HERC3: variants seen among roughly 807,000 people sequenced by gnomAD.
The protein encoded by HERC3 is probable E3 ubiquitin-protein ligase HERC3.
A neutral mutation model predicts 129.9 loss-of-function variants in HERC3; 58 were observed. The observed-to-expected ratio is 0.45, with a 90% CI of 0.36 to 0.56. The LOEUF (loss-of-function observed/expected upper bound fraction) is 0.56, where lower values mean the gene tolerates loss of function less well. Among genes scored for constraint, HERC3 ranks in the 20% least tolerant of loss-of-function variants. HERC3 has a pLI of 0.00. For missense variants in HERC3, 835 were observed against 1,244.2 expected, an observed-to-expected ratio of 0.67 and a Z score of 4.95; for synonymous variants, 430 against 451.0, an observed-to-expected ratio of 0.95 and a Z score of 0.59.
intron 3 of HERC3, among the ~76,000 whole-genome samples, chr4:88,619,098 C>G (rs982890884): frequency 1.3e-5 from 2 of 152,212 alleles, no homozygotes; most frequent in Admixed American, 1.3e-4. Context: ...TTTGTTTGCT[C>G]TGTGTTCCTT....
chr4:88,534,579 T>C, the HERC3 span, among the ~76,000 whole-genome samples: 2 of 152,142 alleles, frequency 1.3e-5, no homozygotes, highest in Non-Finnish European at 1.5e-5. Flanking sequence ...AGGCTTTTTT[T>C]CCCCAAACGT....
intron 1 of HERC3, among the ~76,000 whole-genome samples, chr4:88,594,098 A>G (rs955466836): frequency 3.3e-5 from 5 of 152,236 alleles, no homozygotes; most frequent in Non-Finnish European, 7.3e-5. Context: ...AAATTAGCAC[A>G]TTAGCACTAG....
intron 3 of HERC3, among the ~76,000 whole-genome samples, chr4:88,626,020 T>C (rs1726060114): frequency 6.6e-6 from 1 of 152,192 alleles, no homozygotes; most frequent in Non-Finnish European, 1.5e-5. Context: ...TATATATTAC[T>C]GTTTTTGATT....
chr4:88,571,391 T>C, the HERC3 span, among the ~76,000 whole-genome samples: 36,231 of 152,180 alleles, frequency 0.24, 8,526 homozygotes, highest in African/African-American at 0.61. Context: ...AGGGCAATGG[T>C]AACCTTTTTA....
chr4:88,611,166 G>T (rs1314128064), intron 3 of HERC3, among the ~76,000 whole-genome samples: 1 of 152,230 alleles, frequency 6.6e-6, no homozygotes, highest in Non-Finnish European at 1.5e-5. Context: ...CTCCATAGCA[G>T]CTTGGAATAA....
At chr4:88,698,853 C>A (rs1344081856) in intron 23 of HERC3, among the ~76,000 whole-genome samples, 1 of 147,248 alleles carries the variant, frequency 6.8e-6, no homozygotes, top group African/African-American at 2.5e-5. Context: ...CCCCCCGCCG[C>A]ACTGTCCTTT....
chr4:88,649,748 AT>A, intron 3 of HERC3, 91 bp from the exon 4 acceptor site: 1 of 1,089,930 alleles, frequency 9.2e-7, no homozygotes. Flanking sequence ...TTGTTAAAAA[AT>A]AAAACTGCCC....
intron 16 of HERC3, 105 bp downstream of exon 16, chr4:88,670,357 T>C: frequency 1.4e-6 from 1 of 739,122 alleles, no homozygotes; most frequent in South Asian, 1.8e-5. Context: ...TGTCACCTAT[T>C]CTTCATCCAG....
chr4:88,654,075 G>A lies in HERC3; in HGVS notation c.719G>A (p.Arg240His), dbSNP rs1729580229. 3 of 1,612,798 alleles carry A rather than the reference G, an allele frequency of 1.9e-6. No homozygotes were observed. The highest frequency in any genetic ancestry group is 1.3e-5 in the African/African-American group (1 of 74,932). The change falls in exon 7 of 26, where the codon CGC becomes CAC. Residue 240 changes from arginine (R) to histidine (H), a missense_variant. Arg to His is a conservative substitution (Grantham distance 29, BLOSUM62 0). Transcript: ENST00000402738. ...TCTCCATGCCATGTAAAACTCTTAC[G>A]CACGCAAAAAGTTGTCTATATTAGT... is the stretch of plus-strand genomic sequence containing the variant. ...RESPCHVKLLRTQKVVYISCG... is the reference protein window; with the variant it reads ...RESPCHVKLLHTQKVVYISCG...
chr4:88,627,668 C>T (rs978197242), intron 3 of HERC3, among the ~76,000 whole-genome samples: 8 of 151,876 alleles, frequency 5.3e-5, no homozygotes, highest in African/African-American at 1.9e-4. Context: ...TTTGGGAGGC[C>T]GAGGTGGGCA....
the HERC3 span, among the ~76,000 whole-genome samples, chr4:88,539,541 C>G: frequency 6.6e-6 from 1 of 152,210 alleles, no homozygotes; most frequent in African/African-American, 2.4e-5. Flanking sequence ...CTTAAACGTC[C>G]CTGTCTGACA....
chr4:88,681,533 G>C (rs890630495), intron 21 of HERC3, among the ~76,000 whole-genome samples: 34 of 152,288 alleles, frequency 2.2e-4, no homozygotes, highest in Non-Finnish European at 3.8e-4. Flanking sequence ...GTATCCGAGG[G>C]GTATTAGTTC....
At position 88,649,916 on chromosome 4, in the gene HERC3, C is replaced by A. The variant is rs750445002; in HGVS notation, c.303C>A (p.Asp101Glu). ...AGTCCCACAGTCTGGCCCTCAGTGA[C>A]CGAGGCCAGCTGTTTTCTTGGGGTG... is the stretch of plus-strand genomic sequence containing the variant. ...CGESHSLALSDRGQLFSWGAG... is the reference protein window; with the variant it reads ...CGESHSLALSERGQLFSWGAG... Residue 101 changes from aspartate to glutamate, a missense_variant, in exon 4 of 26, where the codon GAC becomes GAA. Physicochemically the swap from Asp to Glu is conservative, Grantham distance 45. Coordinates refer to ENST00000402738, the MANE Select transcript of HERC3 (RefSeq NM_014606.3). 2 of 1,613,916 alleles carry A rather than the reference C, an allele frequency of 1.2e-6. No homozygotes were observed. Among genetic ancestry groups the A allele is most frequent in the Admixed American group, 3.3e-5 (2 of 59,976 alleles).
Position 88,666,347 on chromosome 4 carries a change from GT to G in HERC3, c.1332-1025del, listed in dbSNP as rs1185210104. On this transcript the variant is annotated intron_variant, in intron 12 of 25. Transcript: ENST00000402738. ...TAAATACGTATAGATAAAACATTTT[GT>G]TTTTGTTTTCTCAACAGCATAGCAA... 2.6e-5 allele frequency among the ~76,000 whole-genome samples: 4 copies of G among 152,044 alleles called. No individual in the cohort carries two copies. The South Asian group carries it at 6.2e-4, about 24-fold the overall frequency.
intron 4 of HERC3, among the ~76,000 whole-genome samples, chr4:88,650,410 A>C (rs770167646): frequency 6.6e-6 from 1 of 152,260 alleles, no homozygotes; most frequent in Non-Finnish European, 1.5e-5. Flanking sequence ...CACTTTAAGC[A>C]TTACAAACAG....
chr4:88,550,982 A>C, the HERC3 span, among the ~76,000 whole-genome samples: 845 of 148,712 alleles, frequency 5.7e-3, 25 homozygotes, highest in Admixed American at 0.05. Context: ...ATAATGCCGC[A>C]TATCTACAAC....
intron 16 of HERC3, among the ~76,000 whole-genome samples, chr4:88,671,857 T>C (rs932753507): frequency 6.6e-6 from 1 of 152,008 alleles, no homozygotes; most frequent in African/African-American, 2.4e-5. Flanking sequence ...TGAGTTAGAG[T>C]GTTCTAAATG....
intron 14 of HERC3, among the ~76,000 whole-genome samples, chr4:88,669,296 T>G (rs1412790428): frequency 6.6e-6 from 1 of 152,218 alleles, no homozygotes; most frequent in Admixed American, 6.5e-5. Context: ...TATTTCAGTA[T>G]GGCTGAGTTT....
At chr4:88,568,750 T>G in the HERC3 span, among the ~76,000 whole-genome samples, 1 of 151,860 alleles carries the variant, frequency 6.6e-6, no homozygotes, top group Non-Finnish European at 1.5e-5. Flanking sequence ...TGTCTAGAAG[T>G]GCCATCTGGG....
Sources: allele counts gnomAD v4.1 joint callset (sites outside exome capture counted in the v4.1 genomes callset), GRCh38; gene constraint gnomAD v4.1.1; transcripts MANE v1.5; gene names NCBI Gene and HGNC (gene_info 2026-07-23, HGNC 2026-07-21).